The following CORO2B variants were observed in gnomAD, a reference collection of about 807,000 sequenced individuals.
CORO2B encodes coronin 2B.
Under a neutral mutation model 58.8 loss-of-function variants are expected in CORO2B, and 26 were observed. The observed-to-expected ratio is 0.44, with a 90% confidence interval of 0.32 to 0.61. CORO2B has a LOEUF of 0.61. CORO2B is among the 20% of genes least tolerant of loss of function. The probability of loss-of-function intolerance (pLI) is 0.04; values close to 1 mark genes in which losing one functional copy is unlikely to be tolerated. For missense variants in CORO2B, 460 were observed against 645.1 expected (o/e 0.71, Z 3.11); for synonymous variants, 242 against 253.8 (o/e 0.95, Z 0.44).
the CORO2B span, among the ~76,000 whole-genome samples, chr15:68,544,054 C>T: frequency 2.6e-5 from 4 of 152,328 alleles, no homozygotes; most frequent in Admixed American, 2.0e-4. Context: ...TCTCAGACCC[C>T]ACCTTGGTGA....
chr15:68,604,051 A>G (rs1302019510), intron 1 of CORO2B, among the ~76,000 whole-genome samples: 3 of 152,090 alleles, frequency 2.0e-5, no homozygotes. Context: ...CCAAATTCTT[A>G]CCCCATAGAA....
At chr15:68,606,499 C>T (rs1272305055) in intron 1 of CORO2B, among the ~76,000 whole-genome samples, 1 of 152,130 alleles carries the variant, frequency 6.6e-6, no homozygotes, top group African/African-American at 2.4e-5. Context: ...ATGTAAGTAC[C>T]GTCCTGCTAC....
At chr15:68,582,211 C>T (rs1033279946) in intron 1 of CORO2B, among the ~76,000 whole-genome samples, 8 of 152,214 alleles carry the variant, frequency 5.3e-5, no homozygotes, top group African/African-American at 1.9e-4. Context: ...GAACACAGAG[C>T]CCCGGAGAAC....
intron 2 of CORO2B, among the ~76,000 whole-genome samples, chr15:68,680,993 C>T (rs1241691578): frequency 1.3e-5 from 2 of 152,142 alleles, no homozygotes; most frequent in African/African-American, 2.4e-5. Context: ...GTAGGCAGAT[C>T]GCCTGAGGTC....
chr15:68,697,616 C>CAG (rs1179451096), intron 3 of CORO2B, among the ~76,000 whole-genome samples: 2 of 152,204 alleles, frequency 1.3e-5, no homozygotes, highest in Admixed American at 1.3e-4. Flanking sequence ...CCCTTGGGAG[C>CAG]AGAGAGAGCA....
chr15:68,668,397 A>C (rs527819528), intron 2 of CORO2B, among the ~76,000 whole-genome samples: 5 of 146,544 alleles, frequency 3.4e-5, no homozygotes, highest in Middle Eastern at 3.6e-3. Flanking sequence ...ACAAGGGCGC[A>C]AACAGTCGTT....
rs1050630948 is a variant in CORO2B at position 68,678,463 on chromosome 15, CAGG to C, written c.217-16674_217-16672del. ...CCGACTTGGGCAGATCACCTGAGGT[CAGG>C]AGTTCAAGACCAGCCTGGCCAACAT... On this transcript the variant is annotated intron_variant, in intron 2 of 11. Coordinates refer to ENST00000261861, the MANE Select transcript of CORO2B (RefSeq NM_006091.5). Among the ~76,000 whole-genome samples the C allele has an allele frequency of 2.5e-4, 38 of 152,186 alleles. 1 individual carries two copies. Among genetic ancestry groups the C allele is most frequent in the African/African-American group, 9.2e-4 (38 of 41,436 alleles).
At chr15:68,581,074 G>A (rs1899414525) in intron 1 of CORO2B, among the ~76,000 whole-genome samples, 1 of 152,154 alleles carries the variant, frequency 6.6e-6, no homozygotes, top group South Asian at 2.1e-4. Flanking sequence ...GGACTTCCAT[G>A]GTAGAGGAGC....
chr15:68,535,922 G>T, the CORO2B span, among the ~76,000 whole-genome samples: 1 of 152,124 alleles, frequency 6.6e-6, no homozygotes, highest in African/African-American at 2.4e-5. Context: ...CTGGAACATT[G>T]ACCTTTAAAA....
intron 1 of CORO2B, among the ~76,000 whole-genome samples, chr15:68,637,517 C>T (rs1183144026): frequency 1.3e-5 from 2 of 152,202 alleles, no homozygotes; most frequent in South Asian, 4.1e-4. Context: ...GTTCCATCCT[C>T]ATACAGATTC....
intron 3 of CORO2B, among the ~76,000 whole-genome samples, chr15:68,696,419 C>T (rs1892511800): frequency 6.6e-6 from 1 of 151,814 alleles, no homozygotes; most frequent in Non-Finnish European, 1.5e-5. Flanking sequence ...CGTGGTGGCG[C>T]ACCCCTGTAA....
chr15:68,656,183 C>T lies in CORO2B; in HGVS notation c.216+10823C>T, dbSNP rs1479221789. 6.2e-5 allele frequency among the ~76,000 whole-genome samples: 9 copies of T among 144,384 alleles called. 1 individual carries two copies. The highest frequency in any genetic ancestry group is 2.1e-4 in the African/African-American group (8 of 38,580). The allele number at this position is 144,384 out of a possible 152,430, so 94.7% of individuals were successfully genotyped here. On this transcript the variant is annotated intron_variant, in intron 2 of 11. Coordinates refer to ENST00000261861, the MANE Select transcript of CORO2B (RefSeq NM_006091.5). ...CCCTCGCACCGTCCCCCCCGCCCCCCGACCCAACCAACCCGCTCCCATCCC... is the reference window on the plus strand; with the variant it reads ...CCCTCGCACCGTCCCCCCCGCCCCCTGACCCAACCAACCCGCTCCCATCCC...
rs201309990 is a variant in CORO2B, at chr15:68,641,821, T to TCAAG, written c.16-3337_16-3334dup. On this transcript the variant is annotated intron_variant, in intron 1 of 11. Transcript: ENST00000261861. ...CCACTGCAACCTCCACCTCCCAGGC[T>TCAAG]CAAGCCATCCTCCCACCTCAGCCTC... Among the ~76,000 whole-genome samples the TCAAG allele has an allele frequency of 5.4e-3, 822 of 152,226 alleles. 55 individuals carry two copies. In the East Asian group the frequency reaches 0.13, roughly 25 times the overall value.
At chr15:68,698,763 G>A (rs1005629224) in intron 3 of CORO2B, among the ~76,000 whole-genome samples, 2 of 152,148 alleles carry the variant, frequency 1.3e-5, no homozygotes, top group Admixed American at 1.3e-4. Context: ...GTTGTGATGA[G>A]GATGAAGGTT....
At chr15:68,557,756 G>T in the CORO2B span, among the ~76,000 whole-genome samples, 1 of 152,256 alleles carries the variant, frequency 6.6e-6, no homozygotes, top group Admixed American at 6.5e-5. Context: ...GCAATGCCAG[G>T]ACGTAAACCC....
At chr15:68,578,922 C>T (rs560953846), upstream of CORO2B, 43 of 656,082 alleles carry the variant, frequency 6.6e-5, no homozygotes, top group African/African-American at 8.1e-4. The surrounding 1 kb of genome is among the most constrained non-coding windows in gnomAD (Gnocchi z 4.2). Context: ...CCGCCTCCTC[C>T]TTTGTAGCGA....
the CORO2B span, among the ~76,000 whole-genome samples, chr15:68,566,271 C>T: frequency 1.3e-4 from 20 of 152,036 alleles, no homozygotes; most frequent in Admixed American, 8.5e-4. Context: ...AGGTGGCTGC[C>T]GTCATTATCC....
intron 2 of CORO2B, among the ~76,000 whole-genome samples, chr15:68,677,208 C>G (rs924346646): frequency 6.6e-6 from 1 of 152,222 alleles, no homozygotes; most frequent in Non-Finnish European, 1.5e-5. Context: ...CTCTGCCCTT[C>G]CTGCAAAGCT....
intron 2 of CORO2B, among the ~76,000 whole-genome samples, chr15:68,657,441 C>G (rs536193836): frequency 7.0e-6 from 1 of 143,324 alleles, no homozygotes; most frequent in Non-Finnish European, 1.5e-5. Context: ...CACTTGAACC[C>G]GGGGAGGTTG....
Sources: allele counts gnomAD v4.1 joint callset (sites outside exome capture counted in the v4.1 genomes callset), GRCh38; gene constraint gnomAD v4.1.1; non-coding constraint Gnocchi (gnomAD v3.1); transcripts MANE v1.5; gene names NCBI Gene and HGNC (gene_info 2026-07-23, HGNC 2026-07-21).